GGT1: variants seen among roughly 807,000 people sequenced by gnomAD.
GGT1 encodes the protein gamma-glutamyltransferase 1, also known as glutathione hydrolase 1 proenzyme.
Under a neutral mutation model 56.0 loss-of-function variants are expected in GGT1, and 21 were observed. The ratio of observed to expected loss-of-function variants is 0.38; its 90% CI spans 0.27 to 0.54. The LOEUF (loss-of-function observed/expected upper bound fraction) is 0.54, where lower values mean the gene tolerates loss of function less well. Ranked by LOEUF, GGT1 falls within the 20% of genes least tolerant of loss-of-function variation. GGT1 has a pLI of 0.82. For missense variants in GGT1, 466 were observed against 787.0 expected (o/e 0.59, Z 4.88); for synonymous variants, 238 against 342.6 (o/e 0.69, Z 3.37).
At chr22:24,618,852 T>C (rs1447706783) in intron 7 of GGT1, among the ~76,000 whole-genome samples, 3 of 152,168 alleles carry the variant, frequency 2.0e-5, no homozygotes, top group African/African-American at 7.2e-5. Flanking sequence ...AGGCCATAGT[T>C]GTACCTTTCT....
At chr22:24,587,702 C>T in the GGT1 span, among the ~76,000 whole-genome samples, 6 of 152,182 alleles carry the variant, frequency 3.9e-5, no homozygotes, top group African/African-American at 9.7e-5. Context: ...TGGGCAGCCA[C>T]GGAAGCCTCA....
chr22:24,605,887 G>T (rs1181388945), intron 1 of GGT1, among the ~76,000 whole-genome samples: 2 of 62,024 alleles, frequency 3.2e-5, no homozygotes, highest in African/African-American at 7.0e-5. Context: ...AATATATGAT[G>T]TGTATTATAT....
chr22:24,618,126 G>A (rs546560735), intron 7 of GGT1, among the ~76,000 whole-genome samples: 1 of 152,272 alleles, frequency 6.6e-6, no homozygotes, highest in East Asian at 1.9e-4. Flanking sequence ...GTGAGTGCTT[G>A]TTACATGCAT....
Position 24,623,261 on chromosome 22 carries a change from G to A in GGT1, c.883+5G>A, listed in dbSNP as rs1048383233. On this transcript the variant is annotated splice_donor_5th_base_variant and intron_variant, in intron 10 of 15. Coordinates refer to ENST00000400382, the MANE Select transcript of GGT1 (RefSeq NM_001288833.2). ...TCATCCTCAACATCCTCAAAGGTGA[G>A]TGGTCGCACCACAGCCGTGTGGTAG... The A allele has an allele frequency of 6.4e-7, 1 of 1,565,248 alleles. No homozygotes were observed. The highest frequency in any genetic ancestry group is 8.7e-7 in the Non-Finnish European group (1 of 1,153,918).
At chr22:24,614,414 G>C (rs2046917755) in intron 5 of GGT1, among the ~76,000 whole-genome samples, 1 of 128,950 alleles carries the variant, frequency 7.8e-6, no homozygotes, top group Non-Finnish European at 1.6e-5. Context: ...TCAAGAGATA[G>C]AGACCAGCCT....
rs565925714 is a variant in GGT1 at position 24,608,426 on chromosome 22, C to T, written c.-359+403C>T. ...TTGGGTAGACAGATTAACAGACAGGCGAGGCTGGGTCATGGTTGGACCACC... is the reference window on the plus strand; with the variant it reads ...TTGGGTAGACAGATTAACAGACAGGTGAGGCTGGGTCATGGTTGGACCACC... On this transcript the variant is annotated intron_variant, in intron 2 of 15. Coordinates refer to ENST00000400382, the MANE Select transcript of GGT1 (RefSeq NM_001288833.2). 4.4e-4 allele frequency among the ~76,000 whole-genome samples: 67 copies of T among 152,310 alleles called. 1 individual carries two copies. In the East Asian group the frequency reaches 0.011, roughly 25 times the overall value.
In GGT1 at chr22:24,623,245, A is replaced by G. The variant is rs1327063326; in HGVS notation, c.872A>G (p.Asn291Ser). ...GGGCCCGTGCTGGCCCTCATCCTCA[A>G]CATCCTCAAAGGTGAGTGGTCGCAC... is the stretch of plus-strand genomic sequence containing the variant. ...LSGPVLALIL[N>S]ILKGYNFSRE... The change falls in exon 10 of 16, where the codon AAC becomes AGC. Residue 291 changes from asparagine to serine, a missense_variant. This residue lies in a region of GGT1 where 456 missense variants were observed against 716.7 expected (regional missense o/e 0.64). Transcript: ENST00000400382. 8.9e-6 allele frequency: 14 copies of G among 1,580,920 alleles called. No individual in the cohort carries two copies. Among genetic ancestry groups the G allele is most frequent in the African/African-American group, 1.4e-5 (1 of 73,532 alleles).
the GGT1 span, chr22:24,585,791 C>G: frequency 8.1e-7 from 1 of 1,241,392 alleles, no homozygotes; most frequent in Middle Eastern, 2.4e-4. Flanking sequence ...CACTGGATTT[C>G]TGGGGGCCTG....
intron 7 of GGT1, among the ~76,000 whole-genome samples, chr22:24,619,829 G>A (rs1182294085): frequency 1.3e-5 from 2 of 151,076 alleles, no homozygotes; most frequent in Admixed American, 1.3e-4. Context: ...TGAGATGGGA[G>A]GGGGTCTGGC....
At chr22:24,588,239 G>GTA in the GGT1 span, 1 of 1,613,338 alleles carries the variant, frequency 6.2e-7, no homozygotes, top group East Asian at 2.2e-5. Context: ...CTCTGGCGCA[G>GTA]GCTGGACCCT....
upstream of GGT1, chr22:24,592,305 T>C (rs1322904056): frequency 8.5e-6 from 4 of 469,414 alleles, no homozygotes; most frequent in African/African-American, 2.0e-5. Context: ...ATGAGCCGCC[T>C]GTTGGAGAAC....
chr22:24,628,197 T>A lies in GGT1; in HGVS notation c.1449+4T>A, dbSNP rs1331277176. On this transcript the variant is annotated splice_donor_region_variant and intron_variant, in intron 14 of 15. Transcript: ENST00000400382. This position sits in a 1 kb window ranked among gnomAD's most constrained non-coding sequence, Gnocchi z 5.7. Reference sequence around the variant, plus strand: ...GATCACCACGGCCACTGCACTGGTATGTGTCACACCTTTTCTCCCTGGCCG... The same window carrying A: ...GATCACCACGGCCACTGCACTGGTAAGTGTCACACCTTTTCTCCCTGGCCG... 1.9e-6 allele frequency: 3 copies of A among 1,612,038 alleles called. No individual in the cohort carries two copies. The East Asian group carries it at 6.7e-5, about 36-fold the overall frequency.
the GGT1 span, among the ~76,000 whole-genome samples, chr22:24,584,156 A>G: frequency 6.6e-6 from 1 of 152,252 alleles, no homozygotes; most frequent in East Asian, 1.9e-4. Context: ...GCATAGGGAA[A>G]CACTTCTATG....
chr22:24,586,691 C>T, the GGT1 span, among the ~76,000 whole-genome samples: 1 of 152,254 alleles, frequency 6.6e-6, no homozygotes, highest in Admixed American at 6.5e-5. Context: ...GCCACCACGC[C>T]TGGCTAATTT....
At chr22:24,608,395 G>C (rs547631168) in intron 2 of GGT1, among the ~76,000 whole-genome samples, 1 of 152,312 alleles carries the variant, frequency 6.6e-6, no homozygotes, top group Admixed American at 6.5e-5. Context: ...CAGCCTACTT[G>C]GGCCTTTGGG....
At chr22:24,619,490 G>A (rs533387195) in intron 7 of GGT1, among the ~76,000 whole-genome samples, 165 of 151,828 alleles carry the variant, frequency 1.1e-3, no homozygotes, top group Non-Finnish European at 1.8e-3. Flanking sequence ...GATCGCTTGA[G>A]CCTGGGAAGC....
chr22:24,595,534 G>A (rs1299567108), intron 1 of GGT1, among the ~76,000 whole-genome samples: 2 of 152,364 alleles, frequency 1.3e-5, no homozygotes, highest in East Asian at 3.8e-4. Context: ...GGAAGCTCAA[G>A]GGCTTGCCCT....
intron 2 of GGT1, chr22:24,609,101 C>T (rs4049898): frequency 5.9e-5 from 9 of 152,266 alleles, no homozygotes; most frequent in South Asian, 2.1e-4. Flanking sequence ...CCCGGGGTGT[C>T]GGAGTGGCAA....
intron 10 of GGT1, 69 bp from the exon 11 acceptor site, chr22:24,623,711 G>A: frequency 7.0e-7 from 1 of 1,419,092 alleles, no homozygotes; most frequent in Non-Finnish European, 9.9e-7. Flanking sequence ...GGCTCAGGCA[G>A]GTGTTAACCC....
Sources: gnomAD v4.1 joint callset for allele counts (sites outside exome capture counted in the v4.1 genomes callset) on GRCh38, gnomAD v4.1.1 for gene constraint, gnomAD v4.1.1 regional missense constraint, Gnocchi (gnomAD v3.1) non-coding constraint, MANE v1.5 for transcripts, NCBI Gene and HGNC (gene_info 2026-07-23, HGNC 2026-07-21) for gene names.